The following PDE6B variants were observed in gnomAD, a reference collection of about 807,000 sequenced individuals.
PDE6B encodes the protein rod cGMP-specific 3',5'-cyclic phosphodiesterase subunit beta.
A neutral mutation model predicts 109.0 loss-of-function variants in PDE6B; 106 were observed. The observed-to-expected ratio is 0.97, with a 90% CI of 0.83 to 1.14. PDE6B has a LOEUF of 1.14. Among genes scored for constraint, PDE6B ranks in the 50% most tolerant of loss-of-function variants. PDE6B has a pLI of 0.00. For missense variants in PDE6B, 1,193 were observed against 1,155.6 expected (o/e 1.03, Z -0.47); for synonymous variants, 490 against 471.3 (o/e 1.04, Z -0.51).
Position 626,008 on chromosome 4 carries a change from T to C in PDE6B, c.382T>C (p.Ser128Pro). The change falls in exon 1 of 22, where the codon TCC (serine) becomes CCC (proline). Residue 128 changes from serine (S) to proline (P), a missense_variant. Transcript: ENST00000496514. This position sits in a 1 kb window ranked among gnomAD's most constrained non-coding sequence, Gnocchi z 4.6. ...GGAGGACTGCCTGGTGCCCCCCGAC[T>C]CCGAGATCGTCTTCCCACTGGACAT... ...VLEDCLVPPD[S>P]EIVFPLDIGV... 6.3e-7 allele frequency: 1 copy of C among 1,588,146 alleles called. No individual in the cohort carries two copies. The highest frequency in any genetic ancestry group is 8.6e-7 in the Non-Finnish European group (1 of 1,167,842).
chr4:633,371 G>A lies in PDE6B; in HGVS notation c.469-1306G>A, dbSNP rs1204931061. 6.6e-6 allele frequency among the ~76,000 whole-genome samples: 1 copy of A among 152,220 alleles called. No homozygotes were observed. ...CTTCAATGCCAGCCCACATGGCTAT[G>A]GGCAGCAGCTGTATCTCCAAGAATC... On this transcript the variant is annotated intron_variant, in intron 1 of 21. Transcript: ENST00000496514. This position sits in a 1 kb window ranked among gnomAD's most constrained non-coding sequence, Gnocchi z 4.5.
Position 666,698 on chromosome 4 carries a change from C to T in PDE6B, c.2352+84C>T. 2.3e-6 allele frequency: 2 copies of T among 879,784 alleles called. No individual in the cohort carries two copies. Among genetic ancestry groups the T allele is most frequent in the Non-Finnish European group, 1.9e-6 (1 of 516,120 alleles). The allele number at this position is 879,784 out of a possible 1,614,324, so 54.5% of individuals were successfully genotyped here. A position where few individuals can be genotyped will look rare whatever the true frequency, so the allele number is the denominator to read the frequency against. On this transcript the variant is annotated intron_variant, in intron 20 of 21. Transcript: ENST00000496514. The surrounding 1 kb of genome is among the most constrained non-coding windows in gnomAD (Gnocchi z 5.6). ...GGGGCGCGGGCTGGAGTCGCGTGGA[C>T]TCACACGGGCCCGGCGGTGTCCTCA...
rs71636506 is a variant in PDE6B, at chr4:642,725, C to CAAAAAAAAAAAAAAAAA, written c.711+6765_711+6781dup. 3.3e-3 allele frequency among the ~76,000 whole-genome samples: 142 copies of CAAAAAAAAAAAAAAAAA among 43,326 alleles called. 3 individuals carry two copies. The highest frequency in any genetic ancestry group is 0.012 in the African/African-American group (126 of 10,704). 28.4% of individuals were successfully genotyped at this position (43,326 alleles called of 152,430 possible). A position where few individuals can be genotyped will look rare whatever the true frequency, so the allele number is the denominator to read the frequency against. On this transcript the variant is annotated intron_variant, in intron 3 of 21. Coordinates refer to ENST00000496514, the MANE Select transcript of PDE6B (RefSeq NM_000283.4). Reference sequence around the variant, plus strand: ...CCAACCTGGACAACAGACACTGTCTCAAAAAAAAAAAAAAAAAAAAAAAAA... The same window carrying CAAAAAAAAAAAAAAAAA: ...CCAACCTGGACAACAGACACTGTCTCAAAAAAAAAAAAAAAAAAAAAAAAAAAAAAAAAAAAAAAAAA...
At chr4:638,162 T>G (rs1418468055) in intron 3 of PDE6B, among the ~76,000 whole-genome samples, 1 of 152,198 alleles carries the variant, frequency 6.6e-6, no homozygotes, top group Non-Finnish European at 1.5e-5. Flanking sequence ...ATCTCATTAT[T>G]GCTGTAATTT....
At chr4:653,440 C>A in intron 3 of PDE6B, 4 of 786,184 alleles carry the variant, frequency 5.1e-6, no homozygotes, top group Non-Finnish European at 5.2e-6. Flanking sequence ...CTCTCAGACG[C>A]TTGGCGGAGG....
intron 3 of PDE6B, among the ~76,000 whole-genome samples, chr4:645,704 T>C (rs1270062259): frequency 5.9e-5 from 9 of 152,010 alleles, no homozygotes; most frequent in Non-Finnish European, 1.0e-4. Context: ...ATCCCCTCTT[T>C]TTTTCTGCCT....
intron 11 of PDE6B, among the ~76,000 whole-genome samples, chr4:659,636 A>G (rs966045271): frequency 1.8e-4 from 26 of 146,576 alleles, no homozygotes; most frequent in South Asian, 1.3e-3. Flanking sequence ...GCACATGTGT[A>G]CACATGTGTG....
intron 3 of PDE6B, chr4:653,642 C>A (rs1178821676): frequency 6.2e-6 from 4 of 643,976 alleles, no homozygotes; most frequent in Non-Finnish European, 1.1e-5. Context: ...CTCGAGGCCT[C>A]ACCGCCAGCC....
chr4:629,574 G>A (rs1010833285), intron 1 of PDE6B, among the ~76,000 whole-genome samples: 1 of 152,268 alleles, frequency 6.6e-6, no homozygotes, highest in Non-Finnish European at 1.5e-5. Context: ...CCGGGACCCT[G>A]GTGGGTCCCC....
intron 5 of PDE6B, 84 bp downstream of exon 5, chr4:654,238 A>T: frequency 4.9e-5 from 50 of 1,025,074 alleles, no homozygotes; most frequent in Non-Finnish European, 6.6e-5. Flanking sequence ...AGGGAGGGAT[A>T]GGGGTGGGGT....
rs572773588 is a variant in PDE6B, at chr4:647,443, A to C, written c.712-6409A>C. On this transcript the variant is annotated intron_variant, in intron 3 of 21. Coordinates refer to ENST00000496514, the MANE Select transcript of PDE6B (RefSeq NM_000283.4). ...TATGGTTTGTTTTTGCTTCTGTATT[A>C]GCTTGAGCTGCCATAACAAAATACC... 4.5e-4 allele frequency among the ~76,000 whole-genome samples: 68 copies of C among 152,078 alleles called. 1 individual carries two copies. Among genetic ancestry groups the C allele is most frequent in the African/African-American group, 1.4e-3 (60 of 41,388 alleles).
At position 626,546 on chromosome 4, in the gene PDE6B, G is replaced by A. The variant is rs1451220366; in HGVS notation, c.468+452G>A. 6.6e-6 allele frequency among the ~76,000 whole-genome samples: 1 copy of A among 152,222 alleles called. No individual in the cohort carries two copies. Among genetic ancestry groups the A allele is most frequent in the Non-Finnish European group, 1.5e-5 (1 of 68,038 alleles). On this transcript the variant is annotated intron_variant, in intron 1 of 21. Transcript: ENST00000496514. This position sits in a 1 kb window ranked among gnomAD's most constrained non-coding sequence, Gnocchi z 4.6. ...AGAAGAGGTCACAGTCGAAGGTGGTGCAGACGCCCACAGGGAGGGAGAGCC... is the reference window on the plus strand; with the variant it reads ...AGAAGAGGTCACAGTCGAAGGTGGTACAGACGCCCACAGGGAGGGAGAGCC...
intron 3 of PDE6B, among the ~76,000 whole-genome samples, chr4:642,987 A>G (rs1474482842): frequency 6.6e-6 from 1 of 152,106 alleles, no homozygotes; most frequent in Non-Finnish European, 1.5e-5. Flanking sequence ...ACATTGTTAA[A>G]TCGGTCTTGC....
rs1314879936 is a variant in PDE6B, at chr4:636,920, C to G, written c.711+951C>G. The stretch of plus-strand genomic sequence containing the variant: ...AACCCCCCGGAGGGAAGTCTCAGCC[C>G]CAATCCAAGCAGGCCTCTCACGGCC... On this transcript the variant is annotated intron_variant, in intron 3 of 21. Transcript: ENST00000496514. This position sits in a 1 kb window ranked among gnomAD's most constrained non-coding sequence, Gnocchi z 4.5. Among the ~76,000 whole-genome samples the G allele has an allele frequency of 6.6e-6, 1 of 152,240 alleles. No individual in the cohort carries two copies.
Position 662,834 on chromosome 4 carries a change from TAA to T in PDE6B, c.1832+237_1832+238del, listed in dbSNP as rs36093261. Reference sequence around the variant, plus strand: ...GCAAGAGCTCTCCTCTACAAAAACTTAAAAAAAAAAAAAAAAAAAAAAGCTGT... The same window carrying T: ...GCAAGAGCTCTCCTCTACAAAAACTTAAAAAAAAAAAAAAAAAAAAGCTGT... On this transcript the variant is annotated intron_variant, in intron 14 of 21. Transcript: ENST00000496514. This position sits in a 1 kb window ranked among gnomAD's most constrained non-coding sequence, Gnocchi z 4.3. 0.034 allele frequency among the ~76,000 whole-genome samples: 3,101 copies of T among 92,060 alleles called. 38 individuals carry two copies. The highest frequency in any genetic ancestry group is 0.056 in the Middle Eastern group (8 of 142). The allele number at this position is 92,060 out of a possible 152,430, so 60.4% of individuals were successfully genotyped here. A position where few individuals can be genotyped will look rare whatever the true frequency, so the allele number is the denominator to read the frequency against.
chr4:628,083 C>G (rs117931046), intron 1 of PDE6B, among the ~76,000 whole-genome samples: 1 of 152,288 alleles, frequency 6.6e-6, no homozygotes, highest in South Asian at 2.1e-4. Flanking sequence ...TGGTGTCTGT[C>G]CCTCCATTCT....
At position 659,607 on chromosome 4, in the gene PDE6B, G is replaced by T. The variant is rs566817481; in HGVS notation, c.1467+590G>T. 2.7e-5 allele frequency among the ~76,000 whole-genome samples: 4 copies of T among 145,580 alleles called. No individual in the cohort carries two copies. In the East Asian group the frequency reaches 7.8e-4, roughly 28 times the overall value. Reference sequence around the variant, plus strand: ...TGCACATGTGGGTATGTGTGTGCGTGTGTGCATTGTATGAATGTGCACATG... The same window carrying T: ...TGCACATGTGGGTATGTGTGTGCGTTTGTGCATTGTATGAATGTGCACATG... On this transcript the variant is annotated intron_variant, in intron 11 of 21. Coordinates refer to ENST00000496514, the MANE Select transcript of PDE6B (RefSeq NM_000283.4).
Position 653,929 on chromosome 4 carries a change from G to T in PDE6B, c.789G>T (p.Thr263=), listed in dbSNP as rs138789637. ...GGCAGTTCCACAAGGCCTTCTACAC[G>T]GTGCGGGCCTACCTCAACTGCGAGC... is the stretch of plus-strand genomic sequence containing the variant. ...IERQFHKAFY[T]VRAYLNCERY... Residue 263 remains threonine, a synonymous_variant, in exon 4 of 22, where the codon ACG becomes ACT. Coordinates refer to ENST00000496514, the MANE Select transcript of PDE6B (RefSeq NM_000283.4). 6.2e-7 allele frequency: 1 copy of T among 1,613,912 alleles called. No homozygotes were observed. Among genetic ancestry groups the T allele is most frequent in the Non-Finnish European group, 8.5e-7 (1 of 1,180,010 alleles).
chr4:630,308 G>A (rs1734322051), intron 1 of PDE6B, among the ~76,000 whole-genome samples: 1 of 152,120 alleles, frequency 6.6e-6, no homozygotes, highest in Non-Finnish European at 1.5e-5. Flanking sequence ...GCTGGGCCAC[G>A]AGGGGCAGCG....
Sources: allele counts gnomAD v4.1 joint callset (sites outside exome capture counted in the v4.1 genomes callset), GRCh38; gene constraint gnomAD v4.1.1; non-coding constraint Gnocchi (gnomAD v3.1); transcripts MANE v1.5; gene names NCBI Gene and HGNC (gene_info 2026-07-23, HGNC 2026-07-21).